TLN2: variants seen among roughly 807,000 people sequenced by gnomAD.
TLN2 encodes talin-2.
TLN2 carries 118 observed loss-of-function variants against 294.7 expected under a neutral mutation model. That is an observed-to-expected ratio of 0.40 (90% CI 0.34 to 0.47). The LOEUF (loss-of-function observed/expected upper bound fraction) is 0.47. Among genes scored for constraint, TLN2 ranks in the 20% least tolerant of loss-of-function variants. The probability of loss-of-function intolerance (pLI) is 0.84; values close to 1 mark genes in which losing one functional copy is unlikely to be tolerated. For missense variants in TLN2, 3,083 were observed against 3,282.2 expected (o/e 0.94, Z 1.48); for synonymous variants, 1,431 against 1,304.5 (o/e 1.10, Z -2.09).
At chr15:62,705,758 C>G (rs1180551679) in intron 19 of TLN2, among the ~76,000 whole-genome samples, 1 of 152,188 alleles carries the variant, frequency 6.6e-6, no homozygotes, top group East Asian at 1.9e-4. Flanking sequence ...ATAGTGGGAG[C>G]AATTCCTAAA....
intron 1 of TLN2, among the ~76,000 whole-genome samples, chr15:62,529,561 TA>T (rs11312497): frequency 0.11 from 15,184 of 135,054 alleles, 1,847 homozygotes; most frequent in African/African-American, 0.31. Flanking sequence ...CTTAAAAGCT[TA>T]AAAAAAAAAA....
rs1190846797 is a variant in TLN2 at position 62,736,874 on chromosome 15, C to G, written c.3359-4C>G. The G allele has an allele frequency of 4.3e-6, 7 of 1,612,664 alleles. No individual in the cohort carries two copies. The Admixed American group carries it at 5.0e-5, about 12-fold the overall frequency. On this transcript the variant is annotated splice_polypyrimidine_tract_variant and splice_region_variant and intron_variant, in intron 28 of 58. Coordinates refer to ENST00000636159, the MANE Select transcript of TLN2 (RefSeq NM_015059.3). ...TTGGAAATCTGATGGACTTTTTCCC[C>G]CAGGGGTGGCTGCTAGAGAGACGGC...
In TLN2 at chr15:62,702,194, T is replaced by C; in HGVS notation, c.1899T>C (p.Ser633=). Residue 633 remains serine, a synonymous_variant, in exon 18 of 59, where the codon TCT becomes TCC. Coordinates refer to ENST00000636159, the MANE Select transcript of TLN2 (RefSeq NM_015059.3). ...TGCTGAAAGCTGTGCAGCCTACTTC[T>C]GGAGAGGTAAGCTCCAGAGGCAAGC... ...SDLLKAVQPT[S]GEPRQTVLTA... 2.5e-6 allele frequency: 4 copies of C among 1,593,252 alleles called. No individual in the cohort carries two copies. Among genetic ancestry groups the C allele is most frequent in the Non-Finnish European group, 3.4e-6 (4 of 1,168,684 alleles).
Position 62,839,994 on chromosome 15 carries a change from A to C in TLN2, c.7501-488A>C, listed in dbSNP as rs577569450. Among the ~76,000 whole-genome samples, 8 of 152,278 alleles carry C rather than the reference A, an allele frequency of 5.3e-5. 1 individual carries two copies. The South Asian group carries it at 1.7e-3, about 32-fold the overall frequency. On this transcript the variant is annotated intron_variant, in intron 58 of 58. Coordinates refer to ENST00000636159, the MANE Select transcript of TLN2 (RefSeq NM_015059.3). ...CAAGTCTTCCTCAGATCACACCTTG[A>C]AAGCGTGAAATAAGCATTTGAGGGC...
chr15:62,476,107 T>C (rs538192374), intron 1 of TLN2, among the ~76,000 whole-genome samples: 1 of 152,310 alleles, frequency 6.6e-6, no homozygotes, highest in African/African-American at 2.4e-5. Flanking sequence ...GAGGCTTCTC[T>C]GGAGCTGCTG....
Position 62,559,615 on chromosome 15 carries a change from T to G in TLN2, c.-237-30072T>G, listed in dbSNP as rs563075158. Among the ~76,000 whole-genome samples the G allele has an allele frequency of 3.9e-5, 6 of 152,332 alleles. No individual in the cohort carries two copies. In the South Asian group the frequency reaches 1.0e-3, roughly 26 times the overall value. ...CACACTAGCTCTGAGGTAGCACTGT[T>G]GCCATAGCACCTGACATATACTGAG... On this transcript the variant is annotated intron_variant, in intron 1 of 58. Transcript: ENST00000636159.
At chr15:62,459,871 A>G (rs1283793468) in intron 1 of TLN2, among the ~76,000 whole-genome samples, 1 of 152,116 alleles carries the variant, frequency 6.6e-6, no homozygotes, top group Non-Finnish European at 1.5e-5. Context: ...TTTGTTACTC[A>G]TGTAGTTTTT....
chr15:62,630,030 G>T (rs1445559647), intron 3 of TLN2, among the ~76,000 whole-genome samples: 2 of 152,042 alleles, frequency 1.3e-5, no homozygotes, highest in African/African-American at 4.8e-5. Flanking sequence ...TTTCTTTGGT[G>T]GGGTTATTTT....
intron 54 of TLN2, chr15:62,831,681 A>G (rs1015805150): frequency 2.0e-5 from 3 of 152,194 alleles, no homozygotes; most frequent in African/African-American, 7.2e-5. Context: ...CTTGGTCAGC[A>G]ATAAGAAAGA....
Position 62,727,155 on chromosome 15 carries a change from G to C in TLN2, c.3324G>C (p.Leu1108=), listed in dbSNP as rs1163423746. The C allele has an allele frequency of 6.2e-7, 1 of 1,614,204 alleles. No homozygotes were observed. Among genetic ancestry groups the C allele is most frequent in the South Asian group, 1.1e-5 (1 of 91,066 alleles). Residue 1108 remains leucine, a synonymous_variant, in exon 28 of 59, where the codon CTG becomes CTC. Coordinates refer to ENST00000636159, the MANE Select transcript of TLN2 (RefSeq NM_015059.3). ...KAVGSSMAQL[L]TCAAQGNEHY... ...TGGGCTCCTCCATGGCACAGCTGCT[G>C]ACCTGTGCTGCTCAAGGCAACGAAC... is the stretch of plus-strand genomic sequence containing the variant.
chr15:62,537,539 T>G (rs7176524), intron 1 of TLN2, among the ~76,000 whole-genome samples: 36,846 of 152,062 alleles, frequency 0.24, 4,835 homozygotes, highest in East Asian at 0.55. Context: ...TTATTTGATA[T>G]TTATATAACA....
At chr15:62,815,557 T>C (rs2067046240) in intron 52 of TLN2, among the ~76,000 whole-genome samples, 1 of 152,210 alleles carries the variant, frequency 6.6e-6, no homozygotes, top group Non-Finnish European at 1.5e-5. Context: ...TTTCAGGTGG[T>C]ACATGGAGAA....
chr15:62,755,310 T>A (rs2062175511), intron 36 of TLN2: 1 of 525,782 alleles, frequency 1.9e-6, no homozygotes, highest in South Asian at 2.7e-5. Flanking sequence ...CCCACCACTA[T>A]GTCAGCACCT....
intron 3 of TLN2, among the ~76,000 whole-genome samples, chr15:62,631,957 A>T (rs1250220805): frequency 6.6e-6 from 1 of 152,118 alleles, no homozygotes; most frequent in Non-Finnish European, 1.5e-5. Flanking sequence ...CCTCAGTTTC[A>T]TCAGGAGCTG....
At chr15:62,800,947 G>A (rs2065890670) in intron 50 of TLN2, among the ~76,000 whole-genome samples, 178 bp downstream of exon 50, 1 of 152,180 alleles carries the variant, frequency 6.6e-6, no homozygotes, top group Non-Finnish European at 1.5e-5. Flanking sequence ...ACTGAGTTTG[G>A]CTGGGATTGA....
Position 62,444,885 on chromosome 15 carries a change from G to A in TLN2, c.-238+54200G>A, listed in dbSNP as rs1316276477. ...CATGTGGGGTTGTGCAGCATTGCCTGTCATCTGCAGTGTTGGTGCATGTGT... is the reference window on the plus strand; with the variant it reads ...CATGTGGGGTTGTGCAGCATTGCCTATCATCTGCAGTGTTGGTGCATGTGT... On this transcript the variant is annotated intron_variant, in intron 1 of 58. Coordinates refer to ENST00000636159, the MANE Select transcript of TLN2 (RefSeq NM_015059.3). Among the ~76,000 whole-genome samples, 3 of 152,222 alleles carry A rather than the reference G, an allele frequency of 2.0e-5. No homozygotes were observed. In the South Asian group the frequency reaches 6.2e-4, roughly 31 times the overall value.
Position 62,752,341 on chromosome 15 carries a change from GC to G in TLN2, c.4248del (p.Lys1417ArgfsTer22). 2 of 1,614,118 alleles carry G rather than the reference GC, an allele frequency of 1.2e-6. No homozygotes were observed. Among genetic ancestry groups the G allele is most frequent in the Non-Finnish European group, 1.7e-6 (2 of 1,180,020 alleles). On this transcript the variant is annotated frameshift_variant, in exon 35 of 59. Transcript: ENST00000636159. LOFTEE classifies it high-confidence loss of function. Reference protein sequence around the residue: ...GESMAGISQNAKTGDLPAFGE... With the variant: ...GESMAGISQNXKTGDLPAFGE... ...ATCGATGGCAGGGATTTCACAGAAT[GC>G]CAAGACCGGAGACCTCCCTGCCTTT...
Position 62,455,915 on chromosome 15 carries a change from C to T in TLN2, c.-238+65230C>T, listed in dbSNP as rs1474236336. On this transcript the variant is annotated intron_variant, in intron 1 of 58. Transcript: ENST00000636159. ...CTTTACATCTTGGCCAGGTGCAGGG[C>T]GTCTGGCTGACACTTTGCTTTTGCA... is the stretch of plus-strand genomic sequence containing the variant. Among the ~76,000 whole-genome samples, 22 of 152,230 alleles carry T rather than the reference C, an allele frequency of 1.4e-4. 1 individual carries two copies. The highest frequency in any genetic ancestry group is 1.4e-3 in the Admixed American group (21 of 15,290).
intron 1 of TLN2, among the ~76,000 whole-genome samples, chr15:62,551,714 T>C (rs1049592675): frequency 3.3e-5 from 5 of 152,092 alleles, no homozygotes; most frequent in African/African-American, 9.7e-5. Context: ...CAAAAACACC[T>C]AGATTTCTGA....
Sources: gnomAD v4.1 joint callset for allele counts (sites outside exome capture counted in the v4.1 genomes callset) on GRCh38, gnomAD v4.1.1 for gene constraint, MANE v1.5 for transcripts, NCBI Gene and HGNC (gene_info 2026-07-23, HGNC 2026-07-21) for gene names.